The following MCTP1 variants were observed in gnomAD, a reference collection of about 807,000 sequenced individuals.
The protein encoded by MCTP1 is multiple C2 and transmembrane domain-containing protein 1.
MCTP1 carries 69 observed loss-of-function variants against 120.6 expected under a neutral mutation model. That is an observed-to-expected ratio of 0.57 (90% CI 0.47 to 0.70). The LOEUF (loss-of-function observed/expected upper bound fraction) is 0.70, where lower values mean the gene tolerates loss of function less well. MCTP1 is among the 30% of genes least tolerant of loss of function. The pLI is 0.00. For missense variants in MCTP1, 1,203 were observed against 1,248.8 expected (o/e 0.96, Z 0.55); for synonymous variants, 529 against 493.1 (o/e 1.07, Z -0.96).
intron 12 of MCTP1, among the ~76,000 whole-genome samples, chr5:94,876,338 T>G (rs939679812): frequency 1.3e-5 from 2 of 152,080 alleles, no homozygotes; most frequent in African/African-American, 4.8e-5. Context: ...CTCTGCTTGC[T>G]GGGAGTACCT....
intron 19 of MCTP1, among the ~76,000 whole-genome samples, chr5:94,722,266 T>TA (rs898262471): frequency 6.6e-6 from 1 of 152,180 alleles, no homozygotes; most frequent in African/African-American, 2.4e-5. Context: ...GAGTCTGTTC[T>TA]AAATGGGAAC....
chr5:95,121,121 A>G (rs1758197570), intron 1 of MCTP1, among the ~76,000 whole-genome samples: 1 of 151,984 alleles, frequency 6.6e-6, no homozygotes, highest in African/African-American at 2.4e-5. Flanking sequence ...TACTAAAAAT[A>G]CAAAAAATTA....
intron 1 of MCTP1, among the ~76,000 whole-genome samples, chr5:95,168,673 G>C (rs1452261327): frequency 6.6e-6 from 1 of 152,180 alleles, no homozygotes; most frequent in African/African-American, 2.4e-5. Flanking sequence ...TTGTGAATGG[G>C]AGTTCACTAG....
At chr5:94,791,055 T>C (rs935038306) in intron 18 of MCTP1, among the ~76,000 whole-genome samples, 2 of 148,016 alleles carry the variant, frequency 1.4e-5, no homozygotes, top group Non-Finnish European at 3.0e-5. Flanking sequence ...GGCAGATCAC[T>C]TGGGGTCAGG....
intron 19 of MCTP1, among the ~76,000 whole-genome samples, chr5:94,754,300 G>A (rs1194646612): frequency 1.3e-5 from 2 of 152,194 alleles, no homozygotes; most frequent in African/African-American, 2.4e-5. Context: ...GGGAAGGTCC[G>A]TCAGTTAAGT....
chr5:94,716,800 C>T (rs567870050), intron 19 of MCTP1, among the ~76,000 whole-genome samples: 1 of 150,888 alleles, frequency 6.6e-6, no homozygotes, highest in Non-Finnish European at 1.5e-5. Flanking sequence ...AAATTTCAAG[C>T]AAATCCTAAT....
At position 94,762,528 on chromosome 5, in the gene MCTP1, A is replaced by G. The variant is rs1580538062; in HGVS notation, c.2610+16582T>C. Among the ~76,000 whole-genome samples the G allele has an allele frequency of 2.0e-5, 3 of 152,188 alleles. No individual in the cohort carries two copies. The East Asian group carries it at 5.8e-4, about 29-fold the overall frequency. On this transcript the variant is annotated intron_variant, in intron 19 of 22. Transcript: ENST00000515393. ...GGACCTGTGGCCATCATTTTTCCAA[A>G]TGCTGTCAAGACCCAGTGCCTAGGG... is the stretch of plus-strand genomic sequence containing the variant.
rs909766691 is a variant in MCTP1 at position 94,989,699 on chromosome 5, A to G, written c.838+27668T>C. Among the ~76,000 whole-genome samples the G allele has an allele frequency of 2.6e-5, 4 of 152,274 alleles. 1 individual carries two copies. ...AGGCTGGTTGCTAGAGGAACCAAACAGGTGATTAGAGGGTTAGAACTTTCA... is the reference window on the plus strand; with the variant it reads ...AGGCTGGTTGCTAGAGGAACCAAACGGGTGATTAGAGGGTTAGAACTTTCA... On this transcript the variant is annotated intron_variant, in intron 2 of 22. Coordinates refer to ENST00000515393, the MANE Select transcript of MCTP1 (RefSeq NM_024717.7).
At chr5:95,167,815 G>A (rs2152489500) in intron 1 of MCTP1, among the ~76,000 whole-genome samples, 1 of 152,264 alleles carries the variant, frequency 6.6e-6, no homozygotes, top group East Asian at 1.9e-4. Context: ...CAGATGAGTA[G>A]ATTGGAAAAA....
chr5:94,988,726 A>G (rs1275922677), intron 2 of MCTP1, among the ~76,000 whole-genome samples: 6 of 151,886 alleles, frequency 4.0e-5, no homozygotes, highest in Admixed American at 3.9e-4. Flanking sequence ...ATGACGCTAT[A>G]AAAGACATAC....
At chr5:94,746,278 C>G (rs1054534358) in intron 19 of MCTP1, among the ~76,000 whole-genome samples, 2 of 152,156 alleles carry the variant, frequency 1.3e-5, no homozygotes, top group African/African-American at 4.8e-5. Context: ...GCCTCCTACT[C>G]CTTTCTGAAT....
chr5:95,058,113 T>C (rs1335266392), intron 1 of MCTP1, among the ~76,000 whole-genome samples: 1 of 152,234 alleles, frequency 6.6e-6, no homozygotes, highest in East Asian at 1.9e-4. Flanking sequence ...TTGCTATTCA[T>C]ATTCTAATGG....
intron 17 of MCTP1, among the ~76,000 whole-genome samples, chr5:94,856,172 A>C (rs1474972775): frequency 3.3e-5 from 5 of 151,760 alleles, no homozygotes; most frequent in African/African-American, 1.2e-4. Flanking sequence ...ACAGTGGTGC[A>C]TTAAACAAGT....
intron 19 of MCTP1, among the ~76,000 whole-genome samples, chr5:94,721,645 C>G (rs1490897428): frequency 6.6e-6 from 1 of 151,976 alleles, no homozygotes; most frequent in Non-Finnish European, 1.5e-5. Flanking sequence ...GTATATGACC[C>G]AAAACTGCAA....
At chr5:95,114,603 G>A (rs189670691) in intron 1 of MCTP1, among the ~76,000 whole-genome samples, 16 of 152,296 alleles carry the variant, frequency 1.1e-4, no homozygotes, top group African/African-American at 2.9e-4. Context: ...AAGGGACTGC[G>A]TGTTGTTGTT....
chr5:95,019,952 C>A (rs1837874914), intron 1 of MCTP1, among the ~76,000 whole-genome samples: 1 of 152,060 alleles, frequency 6.6e-6, no homozygotes, highest in South Asian at 2.1e-4. Context: ...TCAGACCCAG[C>A]AAACTTTGTT....
intron 1 of MCTP1, among the ~76,000 whole-genome samples, chr5:95,175,091 G>C (rs1388506906): frequency 2.0e-5 from 3 of 152,098 alleles, no homozygotes; most frequent in Non-Finnish European, 2.9e-5. Flanking sequence ...TTGTTCTCCA[G>C]ACACAGTGGG....
At chr5:95,058,098 C>T (rs1465980523) in intron 1 of MCTP1, among the ~76,000 whole-genome samples, 2 of 152,198 alleles carry the variant, frequency 1.3e-5, no homozygotes, top group Non-Finnish European at 2.9e-5. Context: ...ATTTTTACAG[C>T]CTTATTGCTA....
chr5:95,124,883 TTTTTA>T (rs1171575918), intron 1 of MCTP1, among the ~76,000 whole-genome samples: 3 of 152,204 alleles, frequency 2.0e-5, no homozygotes, highest in African/African-American at 7.2e-5. Flanking sequence ...TCTGCACACC[TTTTTA>T]TTTTGTTTTG....
Sources: gnomAD v4.1 joint callset for allele counts (sites outside exome capture counted in the v4.1 genomes callset) on GRCh38, gnomAD v4.1.1 for gene constraint, MANE v1.5 for transcripts, NCBI Gene and HGNC (gene_info 2026-07-23, HGNC 2026-07-21) for gene names.